Variants in TAAR1 observed in about 807,000 individuals in gnomAD.
TAAR1 encodes the protein trace amine associated receptor 1.
TAAR1 carries 1 observed loss-of-function variant against 1.2 expected under a neutral mutation model. That is an observed-to-expected ratio of 0.81 (90% CI 0.29 to 3.86). The LOEUF (loss-of-function observed/expected upper bound fraction) is 3.86, where lower values mean the gene tolerates loss of function less well. TAAR1 is among the 30% of genes most tolerant of loss of function. The probability of loss-of-function intolerance (pLI) is 0.18; values close to 1 mark genes in which losing one functional copy is unlikely to be tolerated. For missense variants in TAAR1, 445 were observed against 405.6 expected, an observed-to-expected ratio of 1.10 and a Z score of -0.83; for synonymous variants, 153 against 132.2, an observed-to-expected ratio of 1.16 and a Z score of -1.08.
chr6:132,654,941 T>C (rs1777787580), intron 1 of TAAR1, among the ~76,000 whole-genome samples: 1 of 152,154 alleles, frequency 6.6e-6, no homozygotes, highest in African/African-American at 2.4e-5. Flanking sequence ...ATTAAAGAAT[T>C]GGAAGCAAGC....
At position 132,645,727 on chromosome 6, in the gene TAAR1, C is replaced by T; in HGVS notation, c.277G>A (p.Glu93Lys). The change falls in exon 2 of 2, where the codon GAA becomes AAA. Residue 93 changes from glutamate to lysine, a missense_variant. By Grantham distance (56) the Glu-to-Lys change is moderately conservative. Coordinates refer to ENST00000275216, the MANE Select transcript of TAAR1 (RefSeq NM_138327.4). ...CTTGTGTGAATTTTACAGAAGACTT[C>T]TCCAAAATACCAACAGTGCTCAGCA... The part of the protein sequence containing the change: ...RSAEHCWYFG[E>K]VFCKIHTSTD... 1 of 1,613,720 alleles carries T rather than the reference C, an allele frequency of 6.2e-7. No homozygotes were observed. The highest frequency in any genetic ancestry group is 8.5e-7 in the Non-Finnish European group (1 of 1,179,830).
intron 1 of TAAR1, among the ~76,000 whole-genome samples, chr6:132,649,892 A>G (rs1777731769): frequency 6.7e-6 from 1 of 149,888 alleles, no homozygotes; most frequent in South Asian, 2.2e-4. Flanking sequence ...CTCCCAAGTC[A>G]TCTCTCTGTA....
At chr6:132,657,006 A>C (rs1777810387) in intron 1 of TAAR1, among the ~76,000 whole-genome samples, 1 of 152,216 alleles carries the variant, frequency 6.6e-6, no homozygotes, top group South Asian at 2.1e-4. Context: ...AACAATGATT[A>C]ATATATAAAG....
chr6:132,646,048 T>C lies in TAAR1; in HGVS notation c.-45A>G. ...GTTTACTTTTCCCTTTGTGTGTTGATTTATCTTTTTCCCAAATCCATAATC... is the reference window on the plus strand; with the variant it reads ...GTTTACTTTTCCCTTTGTGTGTTGACTTATCTTTTTCCCAAATCCATAATC... On this transcript the variant is annotated 5_prime_UTR_variant, in exon 2 of 2. Transcript: ENST00000275216. The C allele has an allele frequency of 1.3e-6, 2 of 1,520,700 alleles. No individual in the cohort carries two copies. Among genetic ancestry groups the C allele is most frequent in the Non-Finnish European group, 1.8e-6 (2 of 1,133,344 alleles). The allele number at this position is 1,520,700 out of a possible 1,614,324, so 94.2% of individuals were successfully genotyped here. A position where few individuals can be genotyped will look rare whatever the true frequency, so the allele number is the denominator to read the frequency against.
In TAAR1 at chr6:132,644,911, G is replaced by A. The variant is rs1334831793; in HGVS notation, c.*73C>T. On this transcript the variant is annotated 3_prime_UTR_variant, in exon 2 of 2. Coordinates refer to ENST00000275216, the MANE Select transcript of TAAR1 (RefSeq NM_138327.4). ...TTAAAAAAAAATCCATGTGGTTGGT[G>A]CATGTGGTTCGTTATGTTGTGTTCA... 3 of 1,235,304 alleles carry A rather than the reference G, an allele frequency of 2.4e-6. No individual in the cohort carries two copies. The Admixed American group carries it at 9.4e-5, about 39-fold the overall frequency. 76.5% of individuals were successfully genotyped at this position (1,235,304 alleles called of 1,614,324 possible).
Position 132,645,461 on chromosome 6 carries a change from A to T in TAAR1, c.543T>A (p.Gly181=), listed in dbSNP as rs1777654647. 6.2e-7 allele frequency: 1 copy of T among 1,612,810 alleles called. No homozygotes were observed. Among genetic ancestry groups the T allele is most frequent in the Admixed American group, 1.7e-5 (1 of 59,798 alleles). Residue 181 remains glycine (G), a synonymous_variant, in exon 2 of 2, where the codon GGT becomes GGA. Coordinates refer to ENST00000275216, the MANE Select transcript of TAAR1 (RefSeq NM_138327.4). ...IYYKHVHCRG[G]CSVFFSKISG... The stretch of plus-strand genomic sequence containing the variant: ...ATATTTTGCTAAAGAAGACAGAGCA[A>T]CCTCCTCTGCAGTGAACATGTTTGT...
At position 132,644,848 on chromosome 6, in the gene TAAR1, T is replaced by C. The variant is rs1005358677; in HGVS notation, c.*136A>G. The C allele has an allele frequency of 1.6e-5, 11 of 682,020 alleles. No individual in the cohort carries two copies. The African/African-American group carries it at 1.9e-4, about 12-fold the overall frequency. The allele number at this position is 682,020 out of a possible 1,614,324, so 42.2% of individuals were successfully genotyped here. A position where few individuals can be genotyped will look rare whatever the true frequency, so the allele number is the denominator to read the frequency against. On this transcript the variant is annotated 3_prime_UTR_variant, in exon 2 of 2. Coordinates refer to ENST00000275216, the MANE Select transcript of TAAR1 (RefSeq NM_138327.4). Reference sequence around the variant, plus strand: ...AGGAAATTACCTATAAGCATCATAATTTAACTCACCATACATACTTTGACT... The same window carrying C: ...AGGAAATTACCTATAAGCATCATAACTTAACTCACCATACATACTTTGACT...
At chr6:132,647,554 A>T (rs1437787666) in intron 1 of TAAR1, among the ~76,000 whole-genome samples, 2 of 137,160 alleles carry the variant, frequency 1.5e-5, no homozygotes, top group Non-Finnish European at 3.0e-5. Context: ...AGAAAGAAAA[A>T]AGAAAGGAAG....
chr6:132,657,115 A>T (rs1162582567), intron 1 of TAAR1, among the ~76,000 whole-genome samples: 6 of 152,170 alleles, frequency 3.9e-5, no homozygotes, highest in African/African-American at 1.4e-4. Context: ...ATTTCAAGGA[A>T]ACACTTAACA....
In TAAR1 at chr6:132,645,940, C is replaced by T; in HGVS notation, c.64G>A (p.Val22Ile). ...ATTAAACTGTACAGGGAAGCACGGA[C>T]ATCATTTGACCAGTTGTTTTTCACA... ...SCVKNNWSNDVRASLYSLMVL... is the reference protein window; with the variant it reads ...SCVKNNWSNDIRASLYSLMVL... The change falls in exon 2 of 2, where the codon GTC becomes ATC. Residue 22 changes from valine to isoleucine, a missense_variant. Coordinates refer to ENST00000275216, the MANE Select transcript of TAAR1 (RefSeq NM_138327.4). The T allele has an allele frequency of 6.2e-7, 1 of 1,612,654 alleles. No individual in the cohort carries two copies. Among genetic ancestry groups the T allele is most frequent in the Non-Finnish European group, 8.5e-7 (1 of 1,179,194 alleles).
In TAAR1 at chr6:132,645,693, A is replaced by C. The variant is rs1777662264; in HGVS notation, c.311T>G (p.Ile104Ser). ...VFCKIHTSTDIMLSSASIFHL... is the reference protein window; with the variant it reads ...VFCKIHTSTDSMLSSASIFHL... ...GAAAATGGAGGCTGAGCTCAGCATA[A>C]TGTCGGTGCTTGTGTGAATTTTACA... The change falls in exon 2 of 2, where the codon ATT (isoleucine) becomes AGT (serine). Residue 104 changes from isoleucine (I) to serine (S), a missense_variant. Transcript: ENST00000275216. The C allele has an allele frequency of 6.2e-7, 1 of 1,613,700 alleles. No homozygotes were observed. Among genetic ancestry groups the C allele is most frequent in the Middle Eastern group, 1.7e-4 (1 of 6,060 alleles).
intron 1 of TAAR1, among the ~76,000 whole-genome samples, chr6:132,654,456 C>T (rs907005320): frequency 7.2e-5 from 11 of 152,132 alleles, no homozygotes; most frequent in African/African-American, 2.4e-4. Context: ...TTGGTCTCTT[C>T]CTACAAATCT....
At chr6:132,647,594 A>C (rs1031197360) in intron 1 of TAAR1, among the ~76,000 whole-genome samples, 1 of 141,944 alleles carries the variant, frequency 7.0e-6, no homozygotes, top group African/African-American at 2.5e-5. Flanking sequence ...GAAAGAAAGA[A>C]AGAGAAAGAA....
chr6:132,654,366 T>A (rs900864156), intron 1 of TAAR1, among the ~76,000 whole-genome samples: 6 of 152,222 alleles, frequency 3.9e-5, no homozygotes, highest in Non-Finnish European at 7.3e-5. Context: ...TATGTCATGT[T>A]CTTATTTAAT....
At chr6:132,656,205 A>G (rs1390362883) in intron 1 of TAAR1, among the ~76,000 whole-genome samples, 1 of 152,232 alleles carries the variant, frequency 6.6e-6, no homozygotes, top group African/African-American at 2.4e-5. Flanking sequence ...ACTATTTTCT[A>G]GAGCTCTTAT....
chr6:132,645,384 A>G lies in TAAR1; in HGVS notation c.620T>C (p.Leu207Ser). ...TSFYIPGSIM[L>S]CVYYRIYLIA... ...AAGATATATTCTGTAATAGACACATAACATAATAGATCCAGGTATATAAAA... is the reference window on the plus strand; with the variant it reads ...AAGATATATTCTGTAATAGACACATGACATAATAGATCCAGGTATATAAAA... Residue 207 changes from leucine to serine, a missense_variant, in exon 2 of 2, where the codon TTA becomes TCA. Leu to Ser is a moderately radical substitution (Grantham distance 145, BLOSUM62 -2). Transcript: ENST00000275216. 1 of 1,613,576 alleles carries G rather than the reference A, an allele frequency of 6.2e-7. No individual in the cohort carries two copies. Among genetic ancestry groups the G allele is most frequent in the Non-Finnish European group, 8.5e-7 (1 of 1,179,746 alleles).
At chr6:132,656,364 G>A (rs1210467517) in intron 1 of TAAR1, among the ~76,000 whole-genome samples, 2 of 152,062 alleles carry the variant, frequency 1.3e-5, no homozygotes, top group African/African-American at 2.4e-5. Context: ...TTAAATAGAT[G>A]CACTCTAATG....
At chr6:132,649,254 G>A (rs1265887308) in intron 1 of TAAR1, among the ~76,000 whole-genome samples, 4 of 151,928 alleles carry the variant, frequency 2.6e-5, no homozygotes, top group African/African-American at 9.7e-5. Flanking sequence ...TTTTAAATCT[G>A]CTTCCCACTC....
intron 1 of TAAR1, among the ~76,000 whole-genome samples, chr6:132,658,529 A>T (rs1777834389): frequency 6.6e-6 from 1 of 152,190 alleles, no homozygotes; most frequent in African/African-American, 2.4e-5. Flanking sequence ...CACACACTGA[A>T]TTTAGTTTAA....
Sources: gnomAD v4.1 joint callset for allele counts (sites outside exome capture counted in the v4.1 genomes callset) on GRCh38, gnomAD v4.1.1 for gene constraint, MANE v1.5 for transcripts, NCBI Gene and HGNC (gene_info 2026-07-23, HGNC 2026-07-21) for gene names.